SLCO3A1: variants seen among roughly 807,000 people sequenced by gnomAD.
SLCO3A1 encodes PGE1 transporter.
A neutral mutation model predicts 63.1 loss-of-function variants in SLCO3A1; 27 were observed. The observed-to-expected ratio is 0.43, with a 90% confidence interval of 0.32 to 0.59. The LOEUF is 0.59. Among genes scored for constraint, SLCO3A1 ranks in the 20% least tolerant of loss-of-function variants. The pLI, the probability that SLCO3A1 is intolerant of heterozygous loss-of-function variation, is 0.09. For synonymous variants in SLCO3A1, 473 were observed against 409.9 expected, an observed-to-expected ratio of 1.15 and a Z score of -1.86; for missense variants, 773 against 945.8, an observed-to-expected ratio of 0.82 and a Z score of 2.40.
In SLCO3A1 at chr15:91,856,874, C is replaced by G. The variant is rs951570967; in HGVS notation, c.180+2786C>G. Among the ~76,000 whole-genome samples, 1 of 152,146 alleles carries G rather than the reference C, an allele frequency of 6.6e-6. No homozygotes were observed. Among genetic ancestry groups the G allele is most frequent in the Admixed American group, 6.5e-5 (1 of 15,270 alleles). On this transcript the variant is annotated intron_variant, in intron 1 of 9. Coordinates refer to ENST00000318445, the MANE Select transcript of SLCO3A1 (RefSeq NM_013272.4). This position sits in a 1 kb window ranked among gnomAD's most constrained non-coding sequence, Gnocchi z 4.9. ...AGTCCACCTTCTTATTTCATCTCCCCAGGTGCCTTAAAATATTGCAGTTTC... is the reference window on the plus strand; with the variant it reads ...AGTCCACCTTCTTATTTCATCTCCCGAGGTGCCTTAAAATATTGCAGTTTC...
At position 91,859,024 on chromosome 15, in the gene SLCO3A1, C is replaced by T. The variant is rs750596264; in HGVS notation, c.180+4936C>T. Among the ~76,000 whole-genome samples the T allele has an allele frequency of 7.9e-5, 12 of 152,250 alleles. No homozygotes were observed. The highest frequency in any genetic ancestry group is 1.6e-4 in the Non-Finnish European group (11 of 68,050). ...TGCATCATTTAATAAGCATGTTTCT[C>T]TAAAGTGGAGTCAAAGTACTTCTCT... is the stretch of plus-strand genomic sequence containing the variant. On this transcript the variant is annotated intron_variant, in intron 1 of 9. Coordinates refer to ENST00000318445, the MANE Select transcript of SLCO3A1 (RefSeq NM_013272.4). The surrounding 1 kb of genome is among the most constrained non-coding windows in gnomAD (Gnocchi z 5.1).
chr15:92,147,258 A>G (rs888193564), intron 8 of SLCO3A1, 99 bp downstream of exon 8: 11 of 1,255,506 alleles, frequency 8.8e-6, no homozygotes, highest in Non-Finnish European at 1.2e-5. Context: ...AATCTCTCGA[A>G]CCAGGTGAGC....
intron 1 of SLCO3A1, among the ~76,000 whole-genome samples, chr15:91,857,201 T>G (rs1052779892): frequency 6.6e-6 from 1 of 152,040 alleles, no homozygotes; most frequent in Non-Finnish European, 1.5e-5. Flanking sequence ...GGCCATCAAT[T>G]GTTAGGCTAG....
Position 91,865,303 on chromosome 15 carries a change from A to C in SLCO3A1, c.180+11215A>C, listed in dbSNP as rs1481214101. Among the ~76,000 whole-genome samples, 2 of 152,212 alleles carry C rather than the reference A, an allele frequency of 1.3e-5. No individual in the cohort carries two copies. ...ACATTTTCAATATCTCAGATGCTAG[A>C]CCAAAATTGGGTCATATTATAAGTG... On this transcript the variant is annotated intron_variant, in intron 1 of 9. Coordinates refer to ENST00000318445, the MANE Select transcript of SLCO3A1 (RefSeq NM_013272.4). The surrounding 1 kb of genome is among the most constrained non-coding windows in gnomAD (Gnocchi z 4.6).
rs1325320866 is a variant in SLCO3A1 at position 92,165,352 on chromosome 15, G to C, written c.*2217G>C. ...ATATGTATGTTCTGTTGTTCCTAAG[G>C]CTTTGATAATATCCTGTACAGATTT... On this transcript the variant is annotated 3_prime_UTR_variant, in exon 10 of 10. Transcript: ENST00000318445. 3.0e-6 allele frequency: 3 copies of C among 985,058 alleles called. No homozygotes were observed. In the African/African-American group the frequency reaches 5.2e-5, roughly 17 times the overall value. 61.0% of individuals were successfully genotyped at this position (985,058 alleles called of 1,614,324 possible).
Position 91,916,190 on chromosome 15 carries a change from C to T in SLCO3A1, c.378C>T (p.Pro126=), listed in dbSNP as rs886780093. ...MALGALLSAL[P]EFLTHQYKYE... ...TGGGCGCGCTGCTGTCGGCGCTGCC[C>T]GAGTTCCTGACCCACCAGTACAAGT... is the stretch of plus-strand genomic sequence containing the variant. Residue 126 remains proline (P), a synonymous_variant, in exon 2 of 10, where the codon CCC becomes CCT. Coordinates refer to ENST00000318445, the MANE Select transcript of SLCO3A1 (RefSeq NM_013272.4). The surrounding 1 kb of genome is among the most constrained non-coding windows in gnomAD (Gnocchi z 6.2). 1.1e-5 allele frequency: 18 copies of T among 1,595,450 alleles called. No homozygotes were observed. The highest frequency in any genetic ancestry group is 1.4e-5 in the Non-Finnish European group (16 of 1,173,784).
In SLCO3A1 at chr15:92,101,533, G is replaced by A. The variant is rs149796245; in HGVS notation, c.746-2746G>A. Reference sequence around the variant, plus strand: ...AAAAGAAAAAAAAAAATTAGTATTTGTTATAGAGATGGACAGAGGCAAGAC... The same window carrying A: ...AAAAGAAAAAAAAAAATTAGTATTTATTATAGAGATGGACAGAGGCAAGAC... On this transcript the variant is annotated intron_variant, in intron 3 of 9. Transcript: ENST00000318445. Among the ~76,000 whole-genome samples, 408 of 152,156 alleles carry A rather than the reference G, an allele frequency of 2.7e-3. 2 individuals carry two copies. The highest frequency in any genetic ancestry group is 9.5e-3 in the African/African-American group (395 of 41,524).
chr15:92,107,962 T>C (rs1415781407), intron 4 of SLCO3A1, among the ~76,000 whole-genome samples: 5 of 152,212 alleles, frequency 3.3e-5, no homozygotes, highest in African/African-American at 4.8e-5. Context: ...TCACTGTTTA[T>C]TCCTGTCTAT....
intron 4 of SLCO3A1, among the ~76,000 whole-genome samples, chr15:92,111,898 A>C (rs1030014976): frequency 6.6e-6 from 1 of 152,240 alleles, no homozygotes; most frequent in Admixed American, 6.5e-5. Flanking sequence ...TACATGGCCA[A>C]ATAACTTTGG....
rs945584221 is a variant in SLCO3A1, at chr15:91,859,032, G to C, written c.180+4944G>C. 6.6e-6 allele frequency among the ~76,000 whole-genome samples: 1 copy of C among 152,210 alleles called. No individual in the cohort carries two copies. Among genetic ancestry groups the C allele is most frequent in the African/African-American group, 2.4e-5 (1 of 41,450 alleles). On this transcript the variant is annotated intron_variant, in intron 1 of 9. Transcript: ENST00000318445. This position sits in a 1 kb window ranked among gnomAD's most constrained non-coding sequence, Gnocchi z 5.1. ...TTAATAAGCATGTTTCTCTAAAGTGGAGTCAAAGTACTTCTCTTCTGCATA... is the reference window on the plus strand; with the variant it reads ...TTAATAAGCATGTTTCTCTAAAGTGCAGTCAAAGTACTTCTCTTCTGCATA...
chr15:92,160,655 A>G (rs2048424685), intron 9 of SLCO3A1, among the ~76,000 whole-genome samples: 1 of 152,116 alleles, frequency 6.6e-6, no homozygotes, highest in Non-Finnish European at 1.5e-5. Context: ...TCTTTGGGGT[A>G]TCAAGCAGCG....
intron 1 of SLCO3A1, among the ~76,000 whole-genome samples, chr15:91,889,852 T>G (rs1248697172): frequency 6.6e-6 from 1 of 150,994 alleles, no homozygotes; most frequent in Non-Finnish European, 1.5e-5. Flanking sequence ...CCCTGAGCGA[T>G]TTTCTGTTAC....
intron 2 of SLCO3A1, among the ~76,000 whole-genome samples, chr15:92,087,516 A>ATTTTTTTTTTT (rs34074469): frequency 8.2e-6 from 1 of 121,768 alleles, no homozygotes; most frequent in African/African-American, 3.2e-5. Flanking sequence ...ATTATCTATT[A>ATTTTTTTTTTT]TTTTTTTTTT....
chr15:91,921,620 C>T (rs1346449929), intron 2 of SLCO3A1, among the ~76,000 whole-genome samples: 1 of 152,128 alleles, frequency 6.6e-6, no homozygotes, highest in Non-Finnish European at 1.5e-5. Flanking sequence ...CCCCTGTATC[C>T]TTCTTCCTGT....
intron 2 of SLCO3A1, among the ~76,000 whole-genome samples, chr15:92,034,102 T>C (rs1054490903): frequency 3.4e-5 from 5 of 147,178 alleles, no homozygotes; most frequent in Admixed American, 2.0e-4. Context: ...TGACAACTCC[T>C]GGGTGCTCTG....
At chr15:91,924,225 G>T (rs1262117098) in intron 2 of SLCO3A1, among the ~76,000 whole-genome samples, 1 of 152,180 alleles carries the variant, frequency 6.6e-6, no homozygotes, top group African/African-American at 2.4e-5. Flanking sequence ...GGAGCCTGGG[G>T]AGCTGGTCCT....
intron 2 of SLCO3A1, among the ~76,000 whole-genome samples, chr15:92,092,891 C>G (rs2047493856): frequency 6.6e-6 from 1 of 152,130 alleles, no homozygotes; most frequent in Non-Finnish European, 1.5e-5. Flanking sequence ...TAAAATGCAC[C>G]TTATTAACAG....
chr15:92,096,584 C>G (rs2047541865), intron 3 of SLCO3A1, among the ~76,000 whole-genome samples: 3 of 152,138 alleles, frequency 2.0e-5, no homozygotes, highest in Non-Finnish European at 4.4e-5. Context: ...CCATTCCAGC[C>G]TCTGCTTCTC....
intron 7 of SLCO3A1, among the ~76,000 whole-genome samples, chr15:92,143,039 G>A (rs1596139960): frequency 6.6e-6 from 1 of 151,766 alleles, no homozygotes; most frequent in African/African-American, 2.4e-5. Context: ...TCACATTCCT[G>A]AGAGACTGCG....
Sources: gnomAD v4.1 joint callset for allele counts (sites outside exome capture counted in the v4.1 genomes callset) on GRCh38, gnomAD v4.1.1 for gene constraint, Gnocchi (gnomAD v3.1) non-coding constraint, MANE v1.5 for transcripts, NCBI Gene and HGNC (gene_info 2026-07-23, HGNC 2026-07-21) for gene names.